The following TAFA1 variants were observed in gnomAD, a reference collection of about 807,000 sequenced individuals.
TAFA1 encodes TAFA chemokine like family member 1.
Under a neutral mutation model 18.5 loss-of-function variants are expected in TAFA1, and 4 were observed. The observed-to-expected ratio is 0.22, with a 90% CI of 0.11 to 0.49. The LOEUF (loss-of-function observed/expected upper bound fraction) is 0.49. TAFA1 is among the 20% of genes least tolerant of loss of function. The probability of loss-of-function intolerance (pLI) is 0.98; values close to 1 mark genes in which losing one functional copy is unlikely to be tolerated. For synonymous variants in TAFA1, 56 were observed against 55.2 expected (o/e 1.01, Z -0.06); for missense variants, 147 against 169.0 (o/e 0.87, Z 0.72).
At chr3:68,479,640 T>C (rs184914763) in intron 3 of TAFA1, among the ~76,000 whole-genome samples, 1 of 152,172 alleles carries the variant, frequency 6.6e-6, no homozygotes, top group Admixed American at 6.5e-5. Flanking sequence ...GTAGGAGAGA[T>C]TCTGGAAAAT....
At chr3:68,215,788 T>G (rs2066650204) in intron 2 of TAFA1, among the ~76,000 whole-genome samples, 1 of 152,038 alleles carries the variant, frequency 6.6e-6, no homozygotes, top group Non-Finnish European at 1.5e-5. Flanking sequence ...TACCCTATGA[T>G]CCAGCAGTCA....
At chr3:68,532,319 A>G (rs571789165) in intron 3 of TAFA1, among the ~76,000 whole-genome samples, 38 of 152,340 alleles carry the variant, frequency 2.5e-4, no homozygotes, top group African/African-American at 8.4e-4. Flanking sequence ...CTTCTTATGC[A>G]GATAAAAGCC....
chr3:68,347,290 C>T (rs917095027), intron 2 of TAFA1, among the ~76,000 whole-genome samples: 3 of 152,218 alleles, frequency 2.0e-5, no homozygotes, highest in Non-Finnish European at 2.9e-5. Flanking sequence ...TTCCCTCTCT[C>T]TCTTGCTATC....
chr3:68,051,960 G>T (rs751797751), intron 2 of TAFA1, among the ~76,000 whole-genome samples: 5 of 152,054 alleles, frequency 3.3e-5, no homozygotes, highest in Non-Finnish European at 7.4e-5. Flanking sequence ...GACAATTTGA[G>T]AAGATAAAGG....
chr3:67,996,183 A>T, the TAFA1 span, among the ~76,000 whole-genome samples: 15 of 152,302 alleles, frequency 9.8e-5, no homozygotes, highest in African/African-American at 3.6e-4. Context: ...TTGGTAAACA[A>T]ATGACTGCCC....
intron 2 of TAFA1, among the ~76,000 whole-genome samples, chr3:68,364,781 A>T (rs2069534803): frequency 6.6e-6 from 1 of 152,214 alleles, no homozygotes; most frequent in Admixed American, 6.5e-5. Context: ...AACTTTCCAT[A>T]TGTTAACTCT....
intron 2 of TAFA1, among the ~76,000 whole-genome samples, chr3:68,180,411 T>C (rs1388299584): frequency 2.0e-5 from 3 of 152,110 alleles, no homozygotes; most frequent in Non-Finnish European, 4.4e-5. Context: ...GCAGAGGAGC[T>C]AGATAGCTAG....
intron 2 of TAFA1, among the ~76,000 whole-genome samples, chr3:68,239,416 T>A (rs1262886324): frequency 6.6e-6 from 1 of 152,176 alleles, no homozygotes; most frequent in East Asian, 1.9e-4. Context: ...TTCCACTTTA[T>A]GGTAAAACAG....
intron 3 of TAFA1, among the ~76,000 whole-genome samples, chr3:68,529,674 T>C (rs1448867611): frequency 6.6e-6 from 1 of 152,072 alleles, no homozygotes; most frequent in Non-Finnish European, 1.5e-5. Flanking sequence ...GAAGGGGAGC[T>C]GTGTGTGCAG....
At chr3:68,071,659 TTGCATGG>T (rs1315323924) in intron 2 of TAFA1, among the ~76,000 whole-genome samples, 1 of 152,170 alleles carries the variant, frequency 6.6e-6, no homozygotes, top group African/African-American at 2.4e-5. Flanking sequence ...TAGGCTGTTC[TTGCATGG>T]CTACCAAGAA....
chr3:68,453,969 G>A (rs1380738482), intron 3 of TAFA1, among the ~76,000 whole-genome samples: 2 of 152,168 alleles, frequency 1.3e-5, no homozygotes, highest in Non-Finnish European at 2.9e-5. Context: ...AAGGAGAAGG[G>A]CTGAAATGAG....
chr3:68,506,003 A>T (rs1299265311), intron 3 of TAFA1, among the ~76,000 whole-genome samples: 2 of 151,942 alleles, frequency 1.3e-5, no homozygotes, highest in Admixed American at 1.3e-4. Context: ...CCCGTCATCT[A>T]CATGAGGTTA....
the TAFA1 span, among the ~76,000 whole-genome samples, chr3:67,995,313 C>T: frequency 1.2e-4 from 19 of 152,050 alleles, no homozygotes; most frequent in East Asian, 3.9e-4. Context: ...ACTTAGGGAG[C>T]TTTGAAAAAC....
intron 2 of TAFA1, among the ~76,000 whole-genome samples, chr3:68,302,772 C>T (rs1459330618): frequency 6.6e-6 from 1 of 152,174 alleles, no homozygotes; most frequent in Non-Finnish European, 1.5e-5. Flanking sequence ...CCCACTTGGA[C>T]ATTTGCTAAC....
chr3:68,261,952 G>A (rs899329660), intron 2 of TAFA1, among the ~76,000 whole-genome samples: 1 of 150,392 alleles, frequency 6.6e-6, no homozygotes, highest in Non-Finnish European at 1.5e-5. Context: ...AGTGACCCCA[G>A]TATGAGATAA....
chr3:68,109,057 G>C (rs1465126825), intron 2 of TAFA1, among the ~76,000 whole-genome samples: 1 of 151,844 alleles, frequency 6.6e-6, no homozygotes, highest in Non-Finnish European at 1.5e-5. Context: ...AATGTACTTA[G>C]CCAAAGCCCT....
Position 68,134,713 on chromosome 3 carries a change from G to T in TAFA1, c.118+127969G>T, listed in dbSNP as rs576886157. Among the ~76,000 whole-genome samples, 27 of 152,248 alleles carry T rather than the reference G, an allele frequency of 1.8e-4. No homozygotes were observed. In the South Asian group the frequency reaches 5.0e-3, roughly 28 times the overall value. On this transcript the variant is annotated intron_variant, in intron 2 of 4. Coordinates refer to ENST00000478136, the MANE Select transcript of TAFA1 (RefSeq NM_213609.4). ...AATACCTATCGACTCCATGCTATTT[G>T]TCTGGAAAAATTCTAGATGCTGGGG...
intron 2 of TAFA1, among the ~76,000 whole-genome samples, chr3:68,323,530 G>A (rs567747724): frequency 1.2e-4 from 18 of 152,280 alleles, no homozygotes; most frequent in African/African-American, 2.6e-4. Flanking sequence ...GGTTTTGAAC[G>A]GACTGTCCTC....
intron 2 of TAFA1, among the ~76,000 whole-genome samples, chr3:68,056,572 A>T (rs77189003): frequency 0.012 from 1,875 of 152,304 alleles, 42 homozygotes; most frequent in African/African-American, 0.042. Flanking sequence ...TCAATAAAAG[A>T]AACATTATTA....
Sources: allele counts gnomAD v4.1 joint callset (sites outside exome capture counted in the v4.1 genomes callset), GRCh38; gene constraint gnomAD v4.1.1; transcripts MANE v1.5; gene names NCBI Gene and HGNC (gene_info 2026-07-23, HGNC 2026-07-21).